DPY30: variants seen among roughly 807,000 people sequenced by gnomAD.
The protein encoded by DPY30 is protein dpy-30 homolog.
A neutral mutation model predicts 16.2 loss-of-function variants in DPY30; 6 were observed. That is an observed-to-expected ratio of 0.37 (90% CI 0.20 to 0.73). DPY30 has a LOEUF of 0.73. DPY30 is among the 30% of genes least tolerant of loss of function. The pLI is 0.51. For missense variants in DPY30, 73 were observed against 113.1 expected, an observed-to-expected ratio of 0.65 and a Z score of 1.61; for synonymous variants, 39 against 38.8, an observed-to-expected ratio of 1.00 and a Z score of -0.02.
At chr2:32,031,761 T>TGC (rs1308779027) in intron 3 of DPY30, among the ~76,000 whole-genome samples, 3 of 151,630 alleles carry the variant, frequency 2.0e-5, no homozygotes, top group African/African-American at 7.3e-5. Context: ...GACGTAGTAG[T>TGC]GCGCGCCTGT....
chr2:32,030,182 T>A (rs1675481762), intron 3 of DPY30, among the ~76,000 whole-genome samples: 1 of 151,982 alleles, frequency 6.6e-6, no homozygotes, highest in Non-Finnish European at 1.5e-5. Context: ...CTCAAGAGAA[T>A]ACAGCTAAAA....
intron 3 of DPY30, among the ~76,000 whole-genome samples, chr2:32,031,223 C>G (rs1161597226): frequency 6.6e-6 from 1 of 151,926 alleles, no homozygotes; most frequent in Non-Finnish European, 1.5e-5. Context: ...GAGTTCAAGA[C>G]AGCCTGGCCA....
At chr2:32,022,671 C>A (rs1474355524), downstream of DPY30, among the ~76,000 whole-genome samples, 1 of 151,938 alleles carries the variant, frequency 6.6e-6, no homozygotes, top group Non-Finnish European at 1.5e-5. Flanking sequence ...GCACATGCCA[C>A]CATGCCTGGC....
At chr2:32,021,874 G>A (rs1052746504), downstream of DPY30, among the ~76,000 whole-genome samples, 1 of 151,814 alleles carries the variant, frequency 6.6e-6, no homozygotes, top group Non-Finnish European at 1.5e-5. Context: ...GATGAGAATC[G>A]TCGGTAAAGA....
At position 32,025,767 on chromosome 2, in the gene DPY30, A is replaced by G. The variant is rs563526406; in HGVS notation, c.228-1511T>C. On this transcript the variant is annotated intron_variant, in intron 4 of 4. Coordinates refer to ENST00000342166, the MANE Select transcript of DPY30 (RefSeq NM_001321209.2). ...AACAGAACAAGACTCCGTCTTGGAAAGAAAAAAAAAAAAAACCGTACTTGG... is the reference window on the plus strand; with the variant it reads ...AACAGAACAAGACTCCGTCTTGGAAGGAAAAAAAAAAAAAACCGTACTTGG... Among the ~76,000 whole-genome samples, 1,062 of 150,508 alleles carry G rather than the reference A, an allele frequency of 7.1e-3. 6 individuals are homozygous for G. Among genetic ancestry groups the G allele is most frequent in the Non-Finnish European group, 0.012 (778 of 67,616 alleles).
chr2:32,035,391 C>T (rs906895135), intron 3 of DPY30, among the ~76,000 whole-genome samples: 8 of 148,514 alleles, frequency 5.4e-5, no homozygotes, highest in African/African-American at 2.0e-4. Context: ...ATCACGAGGT[C>T]AGGAGATCAA....
At chr2:32,039,513 G>A (rs1337341662) in intron 1 of DPY30, 21 bp from the exon 2 acceptor site, 2 of 1,612,216 alleles carry the variant, frequency 1.2e-6, no homozygotes, top group African/African-American at 2.7e-5. Context: ...AAGAAGAGCC[G>A]CGAGTTACCT....
chr2:32,033,112 A>C lies in DPY30; in HGVS notation c.85-3376T>G, dbSNP rs181283970. On this transcript the variant is annotated intron_variant, in intron 3 of 4. Coordinates refer to ENST00000342166, the MANE Select transcript of DPY30 (RefSeq NM_001321209.2). The stretch of plus-strand genomic sequence containing the variant: ...GATCACCTGAGGTCAGGAGTTCCAG[A>C]CCAGCCTGCCCAACATGGTGAAACC... Among the ~76,000 whole-genome samples the C allele has an allele frequency of 2.9e-3, 446 of 151,278 alleles. 4 individuals are homozygous for C. Among genetic ancestry groups the C allele is most frequent in the African/African-American group, 0.01 (422 of 41,160 alleles).
intron 4 of DPY30, among the ~76,000 whole-genome samples, chr2:32,025,845 C>T (rs1275825320): frequency 6.6e-6 from 1 of 150,638 alleles, no homozygotes; most frequent in Non-Finnish European, 1.5e-5. Flanking sequence ...CGGTGGCTCA[C>T]GCTTATAATC....
intron 5 of DPY30, among the ~76,000 whole-genome samples, chr2:32,014,828 A>C (rs1036271626): frequency 5.9e-5 from 9 of 152,080 alleles, no homozygotes; most frequent in African/African-American, 2.2e-4. Context: ...ATGGCACTAT[A>C]TACTAGTATG....
chr2:32,039,734 C>T lies in DPY30; in HGVS notation c.-38G>A. 1 of 554,586 alleles carries T rather than the reference C, an allele frequency of 1.8e-6. No individual in the cohort carries two copies. Among genetic ancestry groups the T allele is most frequent in the Non-Finnish European group, 3.2e-6 (1 of 309,702 alleles). 34.4% of individuals were successfully genotyped at this position (554,586 alleles called of 1,614,324 possible). ...AGTGGGGGAAAGGGAGCTGATTACCCGCGCCCAAGCCGTTCGTTCTTAAGA... is the reference window on the plus strand; with the variant it reads ...AGTGGGGGAAAGGGAGCTGATTACCTGCGCCCAAGCCGTTCGTTCTTAAGA... On this transcript the variant is annotated splice_region_variant and 5_prime_UTR_variant, in exon 1 of 5. Coordinates refer to ENST00000342166, the MANE Select transcript of DPY30 (RefSeq NM_001321209.2).
intron 5 of DPY30, among the ~76,000 whole-genome samples, chr2:32,018,450 A>G (rs2148651445): frequency 6.6e-6 from 1 of 152,304 alleles, no homozygotes; most frequent in African/African-American, 2.4e-5. Context: ...AATGTCAGCC[A>G]GGCACAGTGG....
At chr2:32,019,639 T>G (rs1294562205), downstream of DPY30, among the ~76,000 whole-genome samples, 3 of 150,194 alleles carry the variant, frequency 2.0e-5, no homozygotes, top group Non-Finnish European at 4.4e-5. Flanking sequence ...CTGGCCAACA[T>G]GGCAAAACCC....
chr2:32,023,949 T>A lies in DPY30; in HGVS notation c.*235A>T, dbSNP rs569881022. The stretch of plus-strand genomic sequence containing the variant: ...TTTGAAGGTCATTTTAAAAACAAAG[T>A]TAAAGACAATCTGAGAAAAAAATTG... On this transcript the variant is annotated 3_prime_UTR_variant, in exon 5 of 5. Coordinates refer to ENST00000342166, the MANE Select transcript of DPY30 (RefSeq NM_001321209.2). The A allele has an allele frequency of 2.9e-6, 4 of 1,392,702 alleles. No individual in the cohort carries two copies. Among genetic ancestry groups the A allele is most frequent in the Non-Finnish European group, 3.7e-6 (4 of 1,072,142 alleles). 86.3% of individuals were successfully genotyped at this position (1,392,702 alleles called of 1,614,324 possible). A position where few individuals can be genotyped will look rare whatever the true frequency, so the allele number is the denominator to read the frequency against.
At chr2:32,019,452 A>G (rs1338591999), downstream of DPY30, among the ~76,000 whole-genome samples, 1 of 152,136 alleles carries the variant, frequency 6.6e-6, no homozygotes, top group Admixed American at 6.5e-5. Flanking sequence ...GGCAGATTTC[A>G]GTGAGTCAAG....
intron 3 of DPY30, among the ~76,000 whole-genome samples, chr2:32,029,955 T>A: frequency 6.6e-6 from 1 of 152,102 alleles, no homozygotes; most frequent in Non-Finnish European, 1.5e-5. Context: ...ATCTCATTGT[T>A]CTAATGTCAT....
rs781069500 is a variant in DPY30 at position 32,024,135 on chromosome 2, T to C, written c.*49A>G. The C allele has an allele frequency of 1.3e-6, 2 of 1,589,342 alleles. No homozygotes were observed. The highest frequency in any genetic ancestry group is 2.3e-5 in the East Asian group (1 of 44,220). On this transcript the variant is annotated 3_prime_UTR_variant, in exon 5 of 5. Transcript: ENST00000342166. The stretch of plus-strand genomic sequence containing the variant: ...CATGGCAATTAAAGCTGCCTCTTAA[T>C]CATGTAAATCTACAGTAGCAACTAA...
chr2:32,015,810 G>A (rs76067021), intron 5 of DPY30, among the ~76,000 whole-genome samples: 36 of 148,904 alleles, frequency 2.4e-4, no homozygotes, highest in African/African-American at 8.7e-4. Context: ...ACCTATGATT[G>A]TGCCACTGCA....
chr2:32,017,471 G>T (rs1675086834), intron 5 of DPY30, among the ~76,000 whole-genome samples: 3 of 151,898 alleles, frequency 2.0e-5, no homozygotes, highest in African/African-American at 7.2e-5. Flanking sequence ...ACAAAAATTA[G>T]CCGGGCATGG....
Sources: allele counts gnomAD v4.1 joint callset (sites outside exome capture counted in the v4.1 genomes callset), GRCh38; gene constraint gnomAD v4.1.1; transcripts MANE v1.5; gene names NCBI Gene and HGNC (gene_info 2026-07-23, HGNC 2026-07-21).